Variants in TENM4 observed in about 807,000 individuals in gnomAD.
TENM4 encodes teneurin-4.
In TENM4, 82 loss-of-function variants were observed where a neutral mutation model predicts 243.3. The ratio of observed to expected loss-of-function variants is 0.34; its 90% confidence interval spans 0.28 to 0.40. The LOEUF is 0.40. Ranked by LOEUF, TENM4 falls within the 10% of genes least tolerant of loss-of-function variation. The probability of loss-of-function intolerance (pLI) is 1.00; values close to 1 mark genes in which losing one functional copy is unlikely to be tolerated. For missense variants in TENM4, 3,138 were observed against 3,673.3 expected (o/e 0.85, Z 3.77); for synonymous variants, 1,412 against 1,456.3 (o/e 0.97, Z 0.69).
chr11:79,312,196 T>C (rs1043646503), intron 1 of TENM4, among the ~76,000 whole-genome samples: 14 of 152,162 alleles, frequency 9.2e-5, no homozygotes, highest in African/African-American at 3.4e-4. Context: ...TATCACTTCC[T>C]GCCGTGTAGA....
At chr11:79,087,685 C>G (rs1241112580) in intron 4 of TENM4, among the ~76,000 whole-genome samples, 1 of 152,240 alleles carries the variant, frequency 6.6e-6, no homozygotes, top group Non-Finnish European at 1.5e-5. Context: ...CAGATGCCCC[C>G]TTCCCTTTAC....
At chr11:78,792,468 C>T (rs1188174118) in intron 15 of TENM4, among the ~76,000 whole-genome samples, 2 of 152,082 alleles carry the variant, frequency 1.3e-5, no homozygotes, top group East Asian at 3.9e-4. Context: ...TGGAGATGAA[C>T]CTGGCAACAC....
At chr11:78,953,419 A>G (rs1381676366) in intron 6 of TENM4, among the ~76,000 whole-genome samples, 2 of 152,164 alleles carry the variant, frequency 1.3e-5, no homozygotes, top group Non-Finnish European at 2.9e-5. Flanking sequence ...TATCTGGCCA[A>G]AAACTTTTGG....
rs1338213623 is a variant in TENM4, at chr11:78,669,767, G to A, written c.6578C>T (p.Ser2193Phe). 7 of 1,613,970 alleles carry A rather than the reference G, an allele frequency of 4.3e-6. No individual in the cohort carries two copies. In the South Asian group the frequency reaches 6.6e-5, roughly 15 times the overall value. ...CTGGCCGTCAGCATCATACTCATAG[G>A]AGTAGCGAGTGGTATTGGCGTAGGG... ...VGPYANTTRY[S>F]YEYDADGQLQ... The change falls in exon 32 of 34, where the codon TCC becomes TTC. Residue 2193 changes from serine to phenylalanine, a missense_variant. Transcript: ENST00000278550. The surrounding 1 kb of genome is among the most constrained non-coding windows in gnomAD (Gnocchi z 6.4).
chr11:78,925,959 A>T (rs1341763639), intron 6 of TENM4, among the ~76,000 whole-genome samples: 9 of 152,022 alleles, frequency 5.9e-5, no homozygotes, highest in South Asian at 2.1e-4. Flanking sequence ...AAAGAAATAA[A>T]AAAAAAAAAC....
intron 1 of TENM4, among the ~76,000 whole-genome samples, chr11:79,321,403 T>G (rs1244092120): frequency 1.3e-5 from 2 of 152,306 alleles, no homozygotes; most frequent in East Asian, 3.9e-4. Context: ...ATCTCATTTA[T>G]GAATCTGCAG....
chr11:79,192,544 T>C (rs1219037102), intron 3 of TENM4, among the ~76,000 whole-genome samples: 1 of 152,054 alleles, frequency 6.6e-6, no homozygotes, highest in African/African-American at 2.4e-5. Flanking sequence ...CAAGATGTGC[T>C]TTGTTAAACA....
At chr11:78,852,922 A>ATAT (rs35983502) in intron 12 of TENM4, among the ~76,000 whole-genome samples, 72,552 of 151,470 alleles carry the variant, frequency 0.48, 18,568 homozygotes, top group African/African-American at 0.61. Context: ...GATACTTTTA[A>ATAT]TATTTTTTTT....
At chr11:78,843,257 G>A (rs1245220554) in intron 12 of TENM4, among the ~76,000 whole-genome samples, 4 of 152,160 alleles carry the variant, frequency 2.6e-5, no homozygotes, top group African/African-American at 9.7e-5. Flanking sequence ...CAGCCTGGGT[G>A]ACAAGAATGA....
At chr11:79,133,836 G>A (rs1028709189) in intron 4 of TENM4, among the ~76,000 whole-genome samples, 1 of 152,050 alleles carries the variant, frequency 6.6e-6, no homozygotes, top group Non-Finnish European at 1.5e-5. Flanking sequence ...CAGCATACAA[G>A]GGAGATACCT....
At chr11:78,959,111 G>A (rs1197166502) in intron 6 of TENM4, among the ~76,000 whole-genome samples, 1 of 152,050 alleles carries the variant, frequency 6.6e-6, no homozygotes, top group Non-Finnish European at 1.5e-5. Context: ...GCTACACTGT[G>A]GTCCTTAAGC....
chr11:78,901,753 A>G (rs1855933332), intron 7 of TENM4, among the ~76,000 whole-genome samples: 2 of 152,090 alleles, frequency 1.3e-5, no homozygotes, highest in Non-Finnish European at 2.9e-5. Flanking sequence ...CAATTATCCT[A>G]CTCTGTTACT....
intron 19 of TENM4, among the ~76,000 whole-genome samples, chr11:78,740,911 A>G (rs953922788): frequency 6.6e-6 from 1 of 152,210 alleles, no homozygotes; most frequent in African/African-American, 2.4e-5. Context: ...GGCAAGCCAG[A>G]GCAGATGCAA....
chr11:78,914,823 C>A (rs1044650166), intron 6 of TENM4, among the ~76,000 whole-genome samples: 2 of 152,230 alleles, frequency 1.3e-5, no homozygotes, highest in African/African-American at 4.8e-5. Flanking sequence ...TCCTCACCAC[C>A]CCTACTGCCA....
chr11:78,955,697 A>G (rs1489376420), intron 6 of TENM4, among the ~76,000 whole-genome samples: 3 of 152,256 alleles, frequency 2.0e-5, no homozygotes, highest in Non-Finnish European at 4.4e-5. Context: ...GTTCAGTTAC[A>G]TTAATTCAAA....
chr11:79,044,853 T>G (rs1450513279), intron 6 of TENM4, among the ~76,000 whole-genome samples: 1 of 152,202 alleles, frequency 6.6e-6, no homozygotes, highest in Non-Finnish European at 1.5e-5. Flanking sequence ...GGCCTGATCC[T>G]ACGGATGCAC....
At chr11:79,009,935 C>T (rs1858598683) in intron 6 of TENM4, among the ~76,000 whole-genome samples, 1 of 152,096 alleles carries the variant, frequency 6.6e-6, no homozygotes, top group Non-Finnish European at 1.5e-5. Flanking sequence ...GGGTTTTTCT[C>T]ATGCTGTTCT....
chr11:78,786,121 T>C (rs1004804149), intron 16 of TENM4, among the ~76,000 whole-genome samples: 12 of 152,226 alleles, frequency 7.9e-5, no homozygotes, highest in African/African-American at 2.9e-4. Flanking sequence ...TGGCTGAGTT[T>C]AAAATCAACA....
At chr11:79,152,513 T>C (rs1293280509) in intron 3 of TENM4, among the ~76,000 whole-genome samples, 2 of 152,204 alleles carry the variant, frequency 1.3e-5, no homozygotes, top group Non-Finnish European at 2.9e-5. Flanking sequence ...CATCTAGATA[T>C]ATCATGGCTG....
Sources: gnomAD v4.1 joint callset for allele counts (sites outside exome capture counted in the v4.1 genomes callset) on GRCh38, gnomAD v4.1.1 for gene constraint, Gnocchi (gnomAD v3.1) non-coding constraint, MANE v1.5 for transcripts, NCBI Gene and HGNC (gene_info 2026-07-23, HGNC 2026-07-21) for gene names.